CFAP58: variants seen among roughly 807,000 people sequenced by gnomAD.
CFAP58 encodes the protein cilia- and flagella-associated protein 58.
Under a neutral mutation model 119.5 loss-of-function variants are expected in CFAP58, and 88 were observed. The observed-to-expected ratio is 0.74, with a 90% confidence interval of 0.62 to 0.88. The LOEUF (loss-of-function observed/expected upper bound fraction) is 0.88, where lower values mean the gene tolerates loss of function less well. CFAP58 is among the 40% of genes least tolerant of loss of function. The pLI is 0.00. For synonymous variants in CFAP58, 365 were observed against 366.3 expected (o/e 1.00, Z 0.04); for missense variants, 990 against 1,021.2 (o/e 0.97, Z 0.42).
Position 104,370,907 on chromosome 10 carries a change from G to T in CFAP58, c.943G>T (p.Glu315Ter). Residue 315 changes from glutamate to a stop codon, truncating the protein, a stop_gained, in exon 7 of 18, where the codon GAA becomes TAA. Coordinates refer to ENST00000369704, the MANE Select transcript of CFAP58 (RefSeq NM_001008723.2). LOFTEE classifies it high-confidence loss of function. ...KALELKAKEEEVHQMRLDIGK... is the reference protein window; with the variant it reads ...KALELKAKEE The stretch of plus-strand genomic sequence containing the variant: ...TCACTAATTACAGGCCAAAGAGGAA[G>T]AAGTCCATCAAATGCGCCTTGACAT... The T allele has an allele frequency of 6.2e-7, 1 of 1,612,144 alleles. No individual in the cohort carries two copies. The highest frequency in any genetic ancestry group is 2.2e-5 in the East Asian group (1 of 44,830).
rs201892377 is a variant in CFAP58, at chr10:104,364,866, G to A, written c.574G>A (p.Glu192Lys). The change falls in exon 4 of 18, where the codon GAG (glutamate) becomes AAG (lysine). Residue 192 changes from glutamate to lysine, a missense_variant. Physicochemically the swap from Glu to Lys is moderately conservative, Grantham distance 56. Coordinates refer to ENST00000369704, the MANE Select transcript of CFAP58 (RefSeq NM_001008723.2). ...GCAGGAAACAGAGCGATCAAAAGAG[G>A]AGGCTGAACATGCCATCAGTCAGGT... The part of the protein sequence containing the change: ...QQQETERSKE[E>K]AEHAISQFQQ... The A allele has an allele frequency of 1.2e-6, 2 of 1,611,138 alleles. No individual in the cohort carries two copies. Among genetic ancestry groups the A allele is most frequent in the Non-Finnish European group, 1.7e-6 (2 of 1,178,696 alleles).
intron 9 of CFAP58, among the ~76,000 whole-genome samples, chr10:104,385,863 C>T (rs12249796): frequency 0.22 from 33,060 of 151,970 alleles, 3,660 homozygotes; most frequent in Middle Eastern, 0.35. Flanking sequence ...TAGAGGAAAG[C>T]CCTTTTGTGT....
chr10:104,418,534 C>T (rs182898231), intron 15 of CFAP58, among the ~76,000 whole-genome samples: 41 of 152,214 alleles, frequency 2.7e-4, no homozygotes, highest in Non-Finnish European at 4.7e-4. Flanking sequence ...GGTGAAAGAG[C>T]GAGACTCCGC....
intron 15 of CFAP58, among the ~76,000 whole-genome samples, chr10:104,445,716 C>G (rs952119642): frequency 2.6e-5 from 4 of 152,198 alleles, no homozygotes; most frequent in African/African-American, 9.7e-5. Flanking sequence ...TATATCATCA[C>G]TAGGTTTTTG....
the CFAP58 span, chr10:104,338,549 G>T: frequency 6.6e-6 from 1 of 152,366 alleles, no homozygotes; most frequent in African/African-American, 2.4e-5. Flanking sequence ...AAGGAGGACC[G>T]TGTGGGTTTC....
At chr10:104,438,340 TGTTTTTTG>T (rs2012969888) in intron 15 of CFAP58, among the ~76,000 whole-genome samples, 38 of 133,034 alleles carry the variant, frequency 2.9e-4, no homozygotes, top group African/African-American at 1.2e-3. Context: ...TTTTGTTTTT[TGTTTTTTG>T]TTTTTTTTTT....
chr10:104,373,725 AAATAGAAATGAAATAG>A (rs1183071695), intron 7 of CFAP58, among the ~76,000 whole-genome samples: 20 of 152,204 alleles, frequency 1.3e-4, no homozygotes, highest in Admixed American at 3.9e-4. Context: ...AAACATATGA[AAATAGAAATGAAATAG>A]AATAGAAATG....
chr10:104,352,712 AT>A (rs1252486446), upstream of CFAP58, among the ~76,000 whole-genome samples: 1 of 152,176 alleles, frequency 6.6e-6, no homozygotes, highest in Non-Finnish European at 1.5e-5. Flanking sequence ...GTATTACTTG[AT>A]GTATTGGAGA....
intron 15 of CFAP58, among the ~76,000 whole-genome samples, chr10:104,428,784 T>C (rs368914236): frequency 5.3e-5 from 8 of 152,262 alleles, no homozygotes; most frequent in African/African-American, 1.9e-4. Flanking sequence ...TCATGTGAGA[T>C]GGACAGGAAG....
intron 7 of CFAP58, among the ~76,000 whole-genome samples, chr10:104,372,582 G>A (rs959059550): frequency 1.3e-5 from 2 of 152,056 alleles, no homozygotes; most frequent in African/African-American, 4.8e-5. Flanking sequence ...TAAATATTTC[G>A]ATTTTATTCT....
At chr10:104,344,795 G>T in the CFAP58 span, among the ~76,000 whole-genome samples, 2 of 152,060 alleles carry the variant, frequency 1.3e-5, no homozygotes, top group Non-Finnish European at 2.9e-5. Context: ...GCAGGCATTT[G>T]CTTCTACTAA....
At chr10:104,350,923 T>C (rs1260299911), upstream of CFAP58, among the ~76,000 whole-genome samples, 1 of 152,210 alleles carries the variant, frequency 6.6e-6, no homozygotes, top group East Asian at 1.9e-4. Context: ...AGGAGATCCC[T>C]TGGACATGGG....
intron 9 of CFAP58, among the ~76,000 whole-genome samples, chr10:104,386,838 C>T (rs1436733523): frequency 6.6e-6 from 1 of 152,168 alleles, no homozygotes; most frequent in Non-Finnish European, 1.5e-5. Flanking sequence ...TATGGGTCTG[C>T]CCTTCCTTTA....
chr10:104,421,149 A>T (rs1434390213), intron 15 of CFAP58, among the ~76,000 whole-genome samples: 1 of 152,216 alleles, frequency 6.6e-6, no homozygotes, highest in Non-Finnish European at 1.5e-5. Context: ...ACAGAGGTTC[A>T]ATTAATAAAG....
At chr10:104,355,150 C>A (rs2014527167) in intron 1 of CFAP58, among the ~76,000 whole-genome samples, 1 of 152,174 alleles carries the variant, frequency 6.6e-6, no homozygotes, top group South Asian at 2.1e-4. Context: ...TACCCATAGT[C>A]ATTTGTATCT....
At chr10:104,450,401 G>A (rs767821271) in intron 17 of CFAP58, among the ~76,000 whole-genome samples, 197 bp downstream of exon 17, 1 of 152,158 alleles carries the variant, frequency 6.6e-6, no homozygotes, top group Non-Finnish European at 1.5e-5. Context: ...CCCTCCTTGG[G>A]ATTCTAACAG....
intron 15 of CFAP58, among the ~76,000 whole-genome samples, chr10:104,427,731 G>T (rs180890730): frequency 1.3e-5 from 2 of 152,294 alleles, no homozygotes; most frequent in Admixed American, 6.5e-5. Context: ...TCAAAATTCT[G>T]TTCAGCTAGA....
In CFAP58 at chr10:104,450,101, G is replaced by A. The variant is rs764952099; in HGVS notation, c.2407G>A (p.Val803Ile). 33 of 1,611,774 alleles carry A rather than the reference G, an allele frequency of 2.0e-5. No homozygotes were observed. Among genetic ancestry groups the A allele is most frequent in the Non-Finnish European group, 1.8e-5 (21 of 1,179,110 alleles). ...VLSSELNMYE[V>I]QSKEYKYEVE... The stretch of plus-strand genomic sequence containing the variant: ...GTCTTCAGAATTGAATATGTATGAA[G>A]TACAGAGCAAAGAATATAAATATGA... The change falls in exon 17 of 18, where the codon GTA becomes ATA. Residue 803 changes from valine to isoleucine, a missense_variant. By Grantham distance (29) the Val-to-Ile change is conservative (BLOSUM62 3). Transcript: ENST00000369704.
At chr10:104,388,583 A>G (rs1297097436) in intron 9 of CFAP58, among the ~76,000 whole-genome samples, 1 of 152,226 alleles carries the variant, frequency 6.6e-6, no homozygotes, top group Admixed American at 6.5e-5. Flanking sequence ...TTTCAGTTTC[A>G]TTATGAAGGT....
Sources: gnomAD v4.1 joint callset for allele counts (sites outside exome capture counted in the v4.1 genomes callset) on GRCh38, gnomAD v4.1.1 for gene constraint, MANE v1.5 for transcripts, NCBI Gene and HGNC (gene_info 2026-07-23, HGNC 2026-07-21) for gene names.